The following TRPC7 variants were observed in gnomAD, a reference collection of about 807,000 sequenced individuals.
TRPC7 encodes the protein short transient receptor potential channel 7.
In TRPC7, 42 loss-of-function variants were observed where a neutral mutation model predicts 90.1. The ratio of observed to expected loss-of-function variants is 0.47; its 90% confidence interval spans 0.36 to 0.60. The LOEUF is 0.60. TRPC7 is among the 20% of genes least tolerant of loss of function. The pLI is 0.00. For missense variants in TRPC7, 955 were observed against 1,112.3 expected, an observed-to-expected ratio of 0.86 and a Z score of 2.01; for synonymous variants, 451 against 436.3, an observed-to-expected ratio of 1.03 and a Z score of -0.42.
chr5:136,213,605 C>T lies in TRPC7; in HGVS notation c.2420-1G>A. The T allele has an allele frequency of 6.2e-7, 1 of 1,613,828 alleles. No homozygotes were observed. Among genetic ancestry groups the T allele is most frequent in the Non-Finnish European group, 8.5e-7 (1 of 1,179,870 alleles). ...TCTTGCTTGATTTCCTTCAGCTCGCCTGCAAGGACAGAGGAGATTTTGCTG... is the reference window on the plus strand; with the variant it reads ...TCTTGCTTGATTTCCTTCAGCTCGCTTGCAAGGACAGAGGAGATTTTGCTG... On this transcript the variant is annotated splice_acceptor_variant, in intron 11 of 11. Transcript: ENST00000513104. LOFTEE classifies it high-confidence loss of function.
intron 5 of TRPC7, among the ~76,000 whole-genome samples, chr5:136,256,113 G>A (rs1010894191): frequency 2.6e-5 from 4 of 152,208 alleles, no homozygotes; most frequent in Admixed American, 2.6e-4. Flanking sequence ...CCAGCTCAGT[G>A]ACCACACACT....
At chr5:136,299,444 T>C (rs540144401) in intron 3 of TRPC7, among the ~76,000 whole-genome samples, 2 of 151,366 alleles carry the variant, frequency 1.3e-5, no homozygotes, top group Admixed American at 1.3e-4. Context: ...GCTATTCTAA[T>C]CATCCAGGCA....
intron 3 of TRPC7, among the ~76,000 whole-genome samples, chr5:136,281,741 C>G (rs1757557763): frequency 6.6e-6 from 1 of 152,106 alleles, no homozygotes; most frequent in African/African-American, 2.4e-5. Flanking sequence ...TATGGAATGT[C>G]CATAATGATG....
At chr5:136,324,523 ATT>A (rs905670093) in intron 2 of TRPC7, among the ~76,000 whole-genome samples, 6 of 152,170 alleles carry the variant, frequency 3.9e-5, no homozygotes, top group African/African-American at 1.2e-4. Context: ...CTATTTGAGA[ATT>A]TCTTTTCTTT....
At chr5:136,360,038 G>T (rs1760521187) in intron 1 of TRPC7, among the ~76,000 whole-genome samples, 1 of 152,148 alleles carries the variant, frequency 6.6e-6, no homozygotes, top group Admixed American at 6.5e-5. Flanking sequence ...TCCATTAGAG[G>T]TCTGCTCAAG....
chr5:136,308,703 C>G (rs529867081), intron 3 of TRPC7, among the ~76,000 whole-genome samples: 1 of 152,338 alleles, frequency 6.6e-6, no homozygotes, highest in South Asian at 2.1e-4. Flanking sequence ...GCCAGTTGTG[C>G]AGCTACGGCT....
chr5:136,249,682 T>C, intron 6 of TRPC7, among the ~76,000 whole-genome samples: 1 of 152,234 alleles, frequency 6.6e-6, no homozygotes, highest in East Asian at 1.9e-4. Context: ...ATATTTCAAC[T>C]GACTTGTAAA....
At chr5:136,264,163 T>C (rs1176548454) in intron 5 of TRPC7, among the ~76,000 whole-genome samples, 3 of 152,158 alleles carry the variant, frequency 2.0e-5, no homozygotes, top group African/African-American at 7.2e-5. Flanking sequence ...TTCCTATAGC[T>C]AGAGACACAT....
intron 3 of TRPC7, among the ~76,000 whole-genome samples, chr5:136,300,293 C>A (rs1006440726): frequency 6.6e-6 from 1 of 152,208 alleles, no homozygotes; most frequent in Non-Finnish European, 1.5e-5. Flanking sequence ...TCCTTTTCCA[C>A]CCTCTAAAGT....
intron 3 of TRPC7, among the ~76,000 whole-genome samples, chr5:136,309,991 T>A (rs995943783): frequency 2.6e-5 from 4 of 152,140 alleles, no homozygotes; most frequent in African/African-American, 9.7e-5. Flanking sequence ...TGGCTCCCCA[T>A]TGTTCTTTAG....
chr5:136,311,500 T>A (rs1758829621), intron 3 of TRPC7, among the ~76,000 whole-genome samples: 1 of 152,134 alleles, frequency 6.6e-6, no homozygotes, highest in East Asian at 1.9e-4. Context: ...GGTTCCCAGT[T>A]GTTGGGGCTG....
chr5:136,294,211 C>T (rs1363956928), intron 3 of TRPC7, among the ~76,000 whole-genome samples: 1 of 152,132 alleles, frequency 6.6e-6, no homozygotes, highest in Non-Finnish European at 1.5e-5. Flanking sequence ...AAGGCAATAC[C>T]ATTCAGGACA....
intron 2 of TRPC7, among the ~76,000 whole-genome samples, chr5:136,343,656 C>T (rs893075704): frequency 1.3e-5 from 2 of 152,148 alleles, no homozygotes; most frequent in Admixed American, 6.5e-5. Context: ...CTGAAAGCAT[C>T]CATGTCATGT....
intron 7 of TRPC7, among the ~76,000 whole-genome samples, chr5:136,232,697 C>T (rs1755856288): frequency 6.6e-6 from 1 of 152,212 alleles, no homozygotes; most frequent in Non-Finnish European, 1.5e-5. Flanking sequence ...GTAGTCCATA[C>T]TCTATGGGCA....
intron 2 of TRPC7, among the ~76,000 whole-genome samples, chr5:136,329,490 G>A (rs1258976449): frequency 2.0e-5 from 3 of 152,072 alleles, no homozygotes; most frequent in East Asian, 1.9e-4. Context: ...TTTCCAAAAG[G>A]AGGCAGAGTA....
rs12654811 is a variant in TRPC7 at position 136,288,311 on chromosome 5, A to T, written c.964-13474T>A. 7.4e-4 allele frequency among the ~76,000 whole-genome samples: 112 copies of T among 152,296 alleles called. No individual in the cohort carries two copies. In the East Asian group the frequency reaches 0.021, roughly 28 times the overall value. ...TGTTTCTCCAGTCATTACACATTTA[A>T]TGCTGTATATACACATGTATATAGA... is the stretch of plus-strand genomic sequence containing the variant. On this transcript the variant is annotated intron_variant, in intron 3 of 11. Transcript: ENST00000513104.
intron 2 of TRPC7, among the ~76,000 whole-genome samples, chr5:136,340,530 A>G (rs1025155377): frequency 6.6e-6 from 1 of 152,178 alleles, no homozygotes; most frequent in Non-Finnish European, 1.5e-5. Context: ...ATGTATACAC[A>G]TATGAAAACA....
At chr5:136,297,962 A>ACATT (rs10644326) in intron 3 of TRPC7, among the ~76,000 whole-genome samples, 18,365 of 152,224 alleles carry the variant, frequency 0.12, 1,147 homozygotes, top group African/African-American at 0.14. Flanking sequence ...TAGGTGCTAC[A>ACATT]CATTCATTTA....
chr5:136,214,525 C>T (rs1281019877), intron 11 of TRPC7: 2 of 152,126 alleles, frequency 1.3e-5, no homozygotes, highest in African/African-American at 2.4e-5. Context: ...TTCACTGAGC[C>T]CCCGTTTCAT....
Sources: gnomAD v4.1 joint callset for allele counts (sites outside exome capture counted in the v4.1 genomes callset) on GRCh38, gnomAD v4.1.1 for gene constraint, MANE v1.5 for transcripts, NCBI Gene and HGNC (gene_info 2026-07-23, HGNC 2026-07-21) for gene names.